Variants in RUNDC3B observed in about 807,000 individuals in gnomAD.
The protein encoded by RUNDC3B is RUN domain-containing protein 3B.
In RUNDC3B, 33 loss-of-function variants were observed where a neutral mutation model predicts 58.4. The ratio of observed to expected loss-of-function variants is 0.56; its 90% CI spans 0.43 to 0.75. The LOEUF is 0.75. Ranked by LOEUF, RUNDC3B falls within the 30% of genes least tolerant of loss-of-function variation. The pLI is 0.00. For missense variants in RUNDC3B, 501 were observed against 535.7 expected (o/e 0.94, Z 0.64); for synonymous variants, 193 against 195.2 (o/e 0.99, Z 0.10).
chr7:87,782,268 G>T (rs578189471), intron 8 of RUNDC3B, among the ~76,000 whole-genome samples: 3 of 152,126 alleles, frequency 2.0e-5, no homozygotes, highest in East Asian at 1.9e-4. Flanking sequence ...AAAACTGTTC[G>T]TAATAGTCTC....
At chr7:87,774,093 T>G (rs1053753087) in intron 7 of RUNDC3B, among the ~76,000 whole-genome samples, 1 of 152,142 alleles carries the variant, frequency 6.6e-6, no homozygotes, top group Non-Finnish European at 1.5e-5. Context: ...ATGTGAATAG[T>G]GCAGTAAAGT....
At chr7:87,821,156 A>G (rs1031316971) in intron 10 of RUNDC3B, among the ~76,000 whole-genome samples, 17 of 151,944 alleles carry the variant, frequency 1.1e-4, no homozygotes, top group African/African-American at 3.9e-4. Context: ...GTCTCAGCCC[A>G]AAATCTCCTT....
chr7:87,726,224 G>A (rs1831221686), intron 4 of RUNDC3B, among the ~76,000 whole-genome samples: 1 of 152,076 alleles, frequency 6.6e-6, no homozygotes, highest in Non-Finnish European at 1.5e-5. Flanking sequence ...TGTGGTTTTA[G>A]GTCTAACATT....
chr7:87,662,768 G>A (rs1474188167), intron 2 of RUNDC3B, among the ~76,000 whole-genome samples: 1 of 151,910 alleles, frequency 6.6e-6, no homozygotes, highest in Non-Finnish European at 1.5e-5. Context: ...TTTTAGGATT[G>A]GTTTTTCTAT....
chr7:87,758,086 A>C lies in RUNDC3B; in HGVS notation c.630-12495A>C, dbSNP rs189147470. Among the ~76,000 whole-genome samples, 581 of 152,310 alleles carry C rather than the reference A, an allele frequency of 3.8e-3. 2 individuals carry two copies. The highest frequency in any genetic ancestry group is 5.8e-3 in the Non-Finnish European group (394 of 68,020). On this transcript the variant is annotated intron_variant, in intron 6 of 10. Coordinates refer to ENST00000394654, the MANE Select transcript of RUNDC3B (RefSeq NM_001134405.2). Reference sequence around the variant, plus strand: ...TTTAATCTCAGCAATTTGGAAGCCAAGGCAGGAGGATCTTTTGAAGTCAGG... The same window carrying C: ...TTTAATCTCAGCAATTTGGAAGCCACGGCAGGAGGATCTTTTGAAGTCAGG...
chr7:87,731,950 A>G (rs1423335305), intron 4 of RUNDC3B, among the ~76,000 whole-genome samples: 1 of 152,202 alleles, frequency 6.6e-6, no homozygotes. Flanking sequence ...ATTTTATCCA[A>G]TGACTGCAGA....
Position 87,628,943 on chromosome 7 carries a change from C to G in RUNDC3B, c.120C>G (p.Cys40Trp), listed in dbSNP as rs769296338. 1.5e-6 allele frequency: 2 copies of G among 1,309,474 alleles called. No individual in the cohort carries two copies. Among genetic ancestry groups the G allele is most frequent in the Non-Finnish European group, 2.0e-6 (2 of 1,020,322 alleles). The allele number at this position is 1,309,474 out of a possible 1,614,324, so 81.1% of individuals were successfully genotyped here. A position where few individuals can be genotyped will look rare whatever the true frequency, so the allele number is the denominator to read the frequency against. ...AVERRNLITV[C>W]RFSVKTLIDR... Reference sequence around the variant, plus strand: ...AGAGGAGGAACCTGATCACCGTGTGCAGGTACGGCAGCGCAGGGCGAGGGG... The same window carrying G: ...AGAGGAGGAACCTGATCACCGTGTGGAGGTACGGCAGCGCAGGGCGAGGGG... Residue 40 changes from cysteine to tryptophan, a missense_variant and splice_region_variant, in exon 1 of 11, where the codon TGC becomes TGG. By Grantham distance (215) the Cys-to-Trp change is radical. Transcript: ENST00000394654.
chr7:87,813,821 T>C (rs1168362626), intron 9 of RUNDC3B, among the ~76,000 whole-genome samples: 1 of 149,748 alleles, frequency 6.7e-6, no homozygotes, highest in Non-Finnish European at 1.5e-5. Context: ...CTACTAAAAA[T>C]ACAAAAAAAA....
chr7:87,654,717 TAAAC>T (rs1823912010), intron 2 of RUNDC3B, among the ~76,000 whole-genome samples: 1 of 151,844 alleles, frequency 6.6e-6, no homozygotes, highest in South Asian at 2.1e-4. Context: ...TAAAGGAAAA[TAAAC>T]AAGTGGAATT....
intron 8 of RUNDC3B, among the ~76,000 whole-genome samples, chr7:87,780,518 T>C (rs1160281837): frequency 6.6e-6 from 1 of 152,214 alleles, no homozygotes; most frequent in African/African-American, 2.4e-5. Flanking sequence ...GTTGGATGCA[T>C]AGTTTGTGAG....
intron 7 of RUNDC3B, 66 bp from the exon 8 acceptor site, chr7:87,777,732 C>T: frequency 1.6e-6 from 2 of 1,286,498 alleles, no homozygotes; most frequent in Non-Finnish European, 2.2e-6. Flanking sequence ...AGCTACTCAG[C>T]ATTTATCTTC....
intron 10 of RUNDC3B, among the ~76,000 whole-genome samples, chr7:87,827,602 T>A (rs1037509414): frequency 1.3e-5 from 2 of 151,848 alleles, no homozygotes; most frequent in African/African-American, 4.8e-5. Context: ...GTTTTAATGC[T>A]AAAAAAAATT....
intron 2 of RUNDC3B, among the ~76,000 whole-genome samples, chr7:87,652,982 A>T (rs1426034608): frequency 6.6e-6 from 1 of 152,006 alleles, no homozygotes; most frequent in Admixed American, 6.6e-5. Context: ...AGAGAGATAA[A>T]ATCTCCCCCA....
intron 6 of RUNDC3B, among the ~76,000 whole-genome samples, chr7:87,768,507 G>A (rs1834099112): frequency 6.6e-6 from 1 of 152,202 alleles, no homozygotes; most frequent in Admixed American, 6.5e-5. Flanking sequence ...CAGGTTTGGG[G>A]GCAATGTGAG....
At chr7:87,729,590 C>G (rs1831458265) in intron 4 of RUNDC3B, among the ~76,000 whole-genome samples, 1 of 152,104 alleles carries the variant, frequency 6.6e-6, no homozygotes, top group Non-Finnish European at 1.5e-5. Context: ...CAGGCAAGAC[C>G]TACCAGTATG....
chr7:87,822,661 G>A (rs1052242499), intron 10 of RUNDC3B, among the ~76,000 whole-genome samples: 1 of 152,130 alleles, frequency 6.6e-6, no homozygotes, highest in Non-Finnish European at 1.5e-5. Flanking sequence ...ACAATAGACT[G>A]GATTAAGAAA....
intron 8 of RUNDC3B, among the ~76,000 whole-genome samples, chr7:87,805,041 A>G (rs997904646): frequency 2.0e-5 from 3 of 152,300 alleles, no homozygotes; most frequent in Admixed American, 2.0e-4. Context: ...TAAAGAGATC[A>G]GCAGCTCACA....
intron 6 of RUNDC3B, among the ~76,000 whole-genome samples, chr7:87,746,631 A>C (rs1298461040): frequency 1.3e-5 from 2 of 151,906 alleles, no homozygotes; most frequent in Non-Finnish European, 2.9e-5. Context: ...AAGAATAGCT[A>C]CTCCTGCTCA....
chr7:87,696,248 C>A (rs1828482868), intron 2 of RUNDC3B, among the ~76,000 whole-genome samples: 1 of 152,160 alleles, frequency 6.6e-6, no homozygotes, highest in East Asian at 1.9e-4. Context: ...CAGTTTCTTG[C>A]TATATGATTG....
Sources: allele counts gnomAD v4.1 joint callset (sites outside exome capture counted in the v4.1 genomes callset), GRCh38; gene constraint gnomAD v4.1.1; transcripts MANE v1.5; gene names NCBI Gene and HGNC (gene_info 2026-07-23, HGNC 2026-07-21).